ABR: variants seen among roughly 807,000 people sequenced by gnomAD.
ABR encodes the protein ABR activator of RhoGEF and GTPase.
Under a neutral mutation model 107.2 loss-of-function variants are expected in ABR, and 35 were observed. The observed-to-expected ratio is 0.33, with a 90% CI of 0.25 to 0.43. The LOEUF (loss-of-function observed/expected upper bound fraction) is 0.43. Among genes scored for constraint, ABR ranks in the 20% least tolerant of loss-of-function variants. ABR has a pLI of 1.00. For missense variants in ABR, 815 were observed against 1,115.2 expected (o/e 0.73, Z 3.83); for synonymous variants, 498 against 462.0 (o/e 1.08, Z -1.00).
intron 1 of ABR, among the ~76,000 whole-genome samples, chr17:1,134,283 C>T (rs1461179150): frequency 6.6e-6 from 1 of 152,110 alleles, no homozygotes; most frequent in Non-Finnish European, 1.5e-5. Flanking sequence ...TATGGTTGCA[C>T]ACACCTGTAA....
At chr17:1,047,853 GGCTGAA>G (rs1170621160) in intron 16 of ABR, among the ~76,000 whole-genome samples, 35 of 152,314 alleles carry the variant, frequency 2.3e-4, no homozygotes, top group African/African-American at 8.2e-4. Context: ...GAAGCAATGG[GGCTGAA>G]GTCCAGGTGG....
chr17:1,223,619 C>T (rs1270385525), intron 1 of ABR, among the ~76,000 whole-genome samples: 1 of 152,118 alleles, frequency 6.6e-6, no homozygotes, highest in African/African-American at 2.4e-5. Context: ...CGTGTTCACA[C>T]TGCTGTAAAG....
At chr17:1,169,584 T>A (rs1191890411) in intron 1 of ABR, among the ~76,000 whole-genome samples, 1 of 152,180 alleles carries the variant, frequency 6.6e-6, no homozygotes, top group African/African-American at 2.4e-5. Flanking sequence ...CCCCAGGGGC[T>A]GACCTCTCCG....
chr17:1,136,127 G>A (rs116646007), intron 1 of ABR, among the ~76,000 whole-genome samples: 1,546 of 152,160 alleles, frequency 0.01, 28 homozygotes, highest in African/African-American at 0.035. Flanking sequence ...AGCCAGGCAC[G>A]GATCCCTTTT....
chr17:1,091,517 ACAGGCC>A (rs1381460495), intron 4 of ABR, 142 bp downstream of exon 4: 6 of 906,176 alleles, frequency 6.6e-6, no homozygotes, highest in South Asian at 5.3e-5. Context: ...CCCATAACAC[ACAGGCC>A]CAGGCCTTCC....
upstream of ABR, among the ~76,000 whole-genome samples, chr17:1,183,248 T>C (rs2042190112): frequency 6.6e-6 from 1 of 152,042 alleles, no homozygotes; most frequent in South Asian, 2.1e-4. Context: ...CGCTGCCTCC[T>C]CCAGGCCCCT....
At chr17:1,218,982 C>T (rs990964831) in intron 1 of ABR, among the ~76,000 whole-genome samples, 1 of 152,148 alleles carries the variant, frequency 6.6e-6, no homozygotes, top group African/African-American at 2.4e-5. Context: ...AGGTCAATGA[C>T]ATCAGGAACA....
chr17:1,087,990 C>T (rs1285774168), intron 4 of ABR, among the ~76,000 whole-genome samples: 2 of 152,198 alleles, frequency 1.3e-5, no homozygotes, highest in East Asian at 3.8e-4. Context: ...AAACAAACAG[C>T]AGAGACGCTA....
At chr17:1,079,065 T>TAGGG (rs1287319813) in intron 6 of ABR, 368 of 1,376,764 alleles carry the variant, frequency 2.7e-4, no homozygotes, top group Non-Finnish European at 3.3e-4. Context: ...GGAGGAGGGG[T>TAGGG]AGGGAGGGAG....
intron 16 of ABR, among the ~76,000 whole-genome samples, chr17:1,015,486 C>G (rs1263094036): frequency 6.6e-6 from 1 of 150,926 alleles, no homozygotes; most frequent in African/African-American, 2.4e-5. Flanking sequence ...GACAGAGTTT[C>G]GCTCTTATTG....
At chr17:1,112,266 C>T (rs1332573756) in intron 2 of ABR, among the ~76,000 whole-genome samples, 1 of 152,226 alleles carries the variant, frequency 6.6e-6, no homozygotes, top group Non-Finnish European at 1.5e-5. Context: ...GGGGTGAGGA[C>T]GTGTGAACAC....
upstream of ABR, among the ~76,000 whole-genome samples, chr17:1,181,703 CA>C (rs2042140871): frequency 6.6e-6 from 1 of 152,218 alleles, no homozygotes; most frequent in South Asian, 2.1e-4. Context: ...GGGCCAAGGG[CA>C]TCTCTTCTTC....
intron 1 of ABR, among the ~76,000 whole-genome samples, chr17:1,173,220 TCAACACATCACCTCAGCCCACC>T (rs2041801158): frequency 1.3e-3 from 12 of 8,996 alleles, no homozygotes; most frequent in Non-Finnish European, 1.8e-3. Context: ...CTCAGTCCAC[TCAACACATCACCTCAGCCCACC>T]CAACACATCA....
chr17:1,179,796 G>A lies in ABR; in HGVS notation c.-69C>T. The A allele has an allele frequency of 1.1e-5, 7 of 642,206 alleles. 1 individual carries two copies. The highest frequency in any genetic ancestry group is 3.3e-5 in the East Asian group (1 of 30,016). 39.8% of individuals were successfully genotyped at this position (642,206 alleles called of 1,614,324 possible). ...GCGCAACAAAGGAGGGAGAGCGGGCGGGAGCCGGGGGAGGCCGAAGTTGCG... is the reference window on the plus strand; with the variant it reads ...GCGCAACAAAGGAGGGAGAGCGGGCAGGAGCCGGGGGAGGCCGAAGTTGCG... On this transcript the variant is annotated 5_prime_UTR_variant, in exon 1 of 23. Transcript: ENST00000302538. This position sits in a 1 kb window ranked among gnomAD's most constrained non-coding sequence, Gnocchi z 4.9.
rs1337562023 is a variant in ABR, at chr17:1,091,651, C to G, written c.531+14G>C. The G allele has an allele frequency of 6.2e-7, 1 of 1,609,508 alleles. No individual in the cohort carries two copies. The highest frequency in any genetic ancestry group is 8.5e-7 in the Non-Finnish European group (1 of 1,177,386). Reference sequence around the variant, plus strand: ...AGGCCCTGCGTGAGGACCCTCCATCCCTGGCAGACTCACCAGCTTCTGGAA... The same window carrying G: ...AGGCCCTGCGTGAGGACCCTCCATCGCTGGCAGACTCACCAGCTTCTGGAA... On this transcript the variant is annotated intron_variant, in intron 4 of 22. Transcript: ENST00000302538.
chr17:1,134,393 C>T (rs540051522), intron 1 of ABR, among the ~76,000 whole-genome samples: 1 of 150,752 alleles, frequency 6.6e-6, no homozygotes, highest in South Asian at 2.1e-4. Flanking sequence ...GCCGGGGCAA[C>T]AGAGCAAGAC....
chr17:1,046,017 C>T (rs1246640728), intron 16 of ABR, among the ~76,000 whole-genome samples: 1 of 152,150 alleles, frequency 6.6e-6, no homozygotes, highest in Non-Finnish European at 1.5e-5. Context: ...ATTACAGGTG[C>T]CCGCCATCAC....
At chr17:1,061,405 G>T (rs143054826) in intron 10 of ABR, among the ~76,000 whole-genome samples, 2 of 152,194 alleles carry the variant, frequency 1.3e-5, no homozygotes, top group Non-Finnish European at 2.9e-5. Context: ...CTCTGTCCTA[G>T]GACATCCCCC....
At chr17:1,113,058 G>C (rs572055269) in intron 2 of ABR, among the ~76,000 whole-genome samples, 1 of 135,340 alleles carries the variant, frequency 7.4e-6, no homozygotes, top group Non-Finnish European at 1.5e-5. Context: ...CGCCTGCTGT[G>C]CACCAGGCAG....
Sources: gnomAD v4.1 joint callset for allele counts (sites outside exome capture counted in the v4.1 genomes callset) on GRCh38, gnomAD v4.1.1 for gene constraint, Gnocchi (gnomAD v3.1) non-coding constraint, MANE v1.5 for transcripts, NCBI Gene and HGNC (gene_info 2026-07-23, HGNC 2026-07-21) for gene names.